ARMC8: variants seen among roughly 807,000 people sequenced by gnomAD.
The protein encoded by ARMC8 is armadillo repeat containing 8.
Under a neutral mutation model 99.3 loss-of-function variants are expected in ARMC8, and 20 were observed. The ratio of observed to expected loss-of-function variants is 0.20; its 90% CI spans 0.14 to 0.29. The LOEUF (loss-of-function observed/expected upper bound fraction) is 0.29. ARMC8 is among the 10% of genes least tolerant of loss of function. The pLI is 1.00. For missense variants in ARMC8, 569 were observed against 809.5 expected (o/e 0.70, Z 3.60); for synonymous variants, 263 against 278.3 (o/e 0.95, Z 0.55).
Position 138,202,593 on chromosome 3 carries a change from C to T in ARMC8, c.46-7224C>T, listed in dbSNP as rs758681715. Among the ~76,000 whole-genome samples, 4 of 152,166 alleles carry T rather than the reference C, an allele frequency of 2.6e-5. No homozygotes were observed. The South Asian group carries it at 6.2e-4, about 24-fold the overall frequency. On this transcript the variant is annotated intron_variant, in intron 1 of 21. Transcript: ENST00000469044. Reference sequence around the variant, plus strand: ...GTGTGATTTGAGGCACAGCCTGAGACGTGATAACATCACCATTTTATTATT... The same window carrying T: ...GTGTGATTTGAGGCACAGCCTGAGATGTGATAACATCACCATTTTATTATT...
At chr3:138,199,593 C>T (rs1559912831) in intron 1 of ARMC8, among the ~76,000 whole-genome samples, 1 of 152,138 alleles carries the variant, frequency 6.6e-6, no homozygotes, top group Non-Finnish European at 1.5e-5. Context: ...GTACACATCA[C>T]CAGAACTCTT....
At chr3:138,242,159 A>G (rs1419976880) in intron 11 of ARMC8, among the ~76,000 whole-genome samples, 176 bp downstream of exon 11, 2 of 152,192 alleles carry the variant, frequency 1.3e-5, no homozygotes, top group Admixed American at 6.5e-5. Flanking sequence ...AAGTTGTTTA[A>G]TGTTTATTGT....
chr3:138,298,221 G>A lies in ARMC8; in HGVS notation c.*2329G>A, dbSNP rs1176600498. On this transcript the variant is annotated 3_prime_UTR_variant, in exon 22 of 22. Coordinates refer to ENST00000469044, the MANE Select transcript of ARMC8 (RefSeq NM_001363941.2). ...CTGTTTCTCCTTTTGTGCCCTGATTGTAATCCAAAATTTATGAACTAGAAA... is the reference window on the plus strand; with the variant it reads ...CTGTTTCTCCTTTTGTGCCCTGATTATAATCCAAAATTTATGAACTAGAAA... 6.6e-6 allele frequency: 1 copy of A among 152,150 alleles called. No individual in the cohort carries two copies. Among genetic ancestry groups the A allele is most frequent in the Non-Finnish European group, 1.5e-5 (1 of 68,022 alleles). 9.4% of individuals were successfully genotyped at this position (152,150 alleles called of 1,614,324 possible). A position where few individuals can be genotyped will look rare whatever the true frequency, so the allele number is the denominator to read the frequency against.
chr3:138,272,733 G>C (rs929979512), intron 16 of ARMC8, among the ~76,000 whole-genome samples: 2 of 152,148 alleles, frequency 1.3e-5, no homozygotes, highest in Admixed American at 6.5e-5. Context: ...AAATTAGCCA[G>C]GCGTGGTGGC....
At chr3:138,255,396 G>A (rs904721904) in intron 12 of ARMC8, among the ~76,000 whole-genome samples, 3 of 151,836 alleles carry the variant, frequency 2.0e-5, no homozygotes, top group Admixed American at 2.0e-4. Flanking sequence ...TAGAGACGGG[G>A]TTTCACTGTG....
chr3:138,274,233 A>ATGTGTGTG (rs142329302), intron 17 of ARMC8, among the ~76,000 whole-genome samples: 49 of 142,268 alleles, frequency 3.4e-4, no homozygotes, highest in African/African-American at 1.4e-3. Context: ...GTGTATATAC[A>ATGTGTGTG]TGTGTGTGTG....
intron 12 of ARMC8, among the ~76,000 whole-genome samples, chr3:138,251,019 C>T (rs1037563549): frequency 6.6e-6 from 1 of 152,032 alleles, no homozygotes; most frequent in Admixed American, 6.6e-5. Context: ...GGCCCGGTGG[C>T]ATGCACCTGT....
At chr3:138,267,807 T>C (rs2048413118) in intron 15 of ARMC8, among the ~76,000 whole-genome samples, 1 of 152,256 alleles carries the variant, frequency 6.6e-6, no homozygotes, top group Non-Finnish European at 1.5e-5. Flanking sequence ...CAGTTAGTTT[T>C]ATTATGTCAT....
intron 1 of ARMC8, among the ~76,000 whole-genome samples, chr3:138,207,539 A>T (rs541912740): frequency 1.4e-4 from 21 of 152,332 alleles, no homozygotes; most frequent in African/African-American, 5.1e-4. Flanking sequence ...GAACAGTAAC[A>T]TCAAAATCAA....
chr3:138,187,526 C>T lies in ARMC8; in HGVS notation c.-29C>T. On this transcript the variant is annotated 5_prime_UTR_variant, in exon 1 of 22. Coordinates refer to ENST00000469044, the MANE Select transcript of ARMC8 (RefSeq NM_001363941.2). ...GAAAGTGCCGGCCCCCGCGCCGGCGCCTGCAGCAGCCGGGTGGGAAGGCTC... is the reference window on the plus strand; with the variant it reads ...GAAAGTGCCGGCCCCCGCGCCGGCGTCTGCAGCAGCCGGGTGGGAAGGCTC... 1 of 1,535,380 alleles carries T rather than the reference C, an allele frequency of 6.5e-7. No individual in the cohort carries two copies. Among genetic ancestry groups the T allele is most frequent in the African/African-American group, 1.4e-5 (1 of 73,152 alleles).
At chr3:138,255,263 C>T (rs1483951301) in intron 12 of ARMC8, among the ~76,000 whole-genome samples, 1 of 140,726 alleles carries the variant, frequency 7.1e-6, no homozygotes, top group African/African-American at 2.7e-5. Context: ...AGTGCAGTGG[C>T]GTGATCTCGG....
At chr3:138,207,405 G>C (rs904784716) in intron 1 of ARMC8, among the ~76,000 whole-genome samples, 2 of 152,074 alleles carry the variant, frequency 1.3e-5, no homozygotes, top group Admixed American at 1.3e-4. Context: ...GCTTTCCTCA[G>C]TGCATGTTAT....
chr3:138,200,073 C>G (rs953408854), intron 1 of ARMC8, among the ~76,000 whole-genome samples: 1 of 152,148 alleles, frequency 6.6e-6, no homozygotes, highest in African/African-American at 2.4e-5. Flanking sequence ...TTTTGTGGCA[C>G]TTTTTTGGCT....
At chr3:138,195,300 AAG>A (rs2043659644) in intron 1 of ARMC8, among the ~76,000 whole-genome samples, 2 of 151,802 alleles carry the variant, frequency 1.3e-5, no homozygotes, top group African/African-American at 4.8e-5. Flanking sequence ...AAAAAAAAAA[AAG>A]AAACTATCTC....
chr3:138,281,259 A>G (rs2049888071), intron 18 of ARMC8, among the ~76,000 whole-genome samples: 1 of 150,852 alleles, frequency 6.6e-6, no homozygotes, highest in Non-Finnish European at 1.5e-5. Context: ...TCCTTAGCTC[A>G]CATATTCAAT....
chr3:138,277,291 A>C (rs1009072515), intron 18 of ARMC8, among the ~76,000 whole-genome samples: 7 of 152,230 alleles, frequency 4.6e-5, no homozygotes, highest in Admixed American at 4.6e-4. Flanking sequence ...AAAAGGTAAA[A>C]CTATAAAACT....
At chr3:138,229,178 A>ATATATATATATATATATGTATATG (rs1576686064) in intron 6 of ARMC8, 168 bp downstream of exon 6, 11 of 32,098 alleles carry the variant, frequency 3.4e-4, no homozygotes, top group African/African-American at 4.9e-4. Context: ...ATATATATAT[A>ATATATATATATATATATGTATATG]TATATGTATA....
chr3:138,260,168 T>C (rs1404274921), intron 12 of ARMC8, among the ~76,000 whole-genome samples: 2 of 152,218 alleles, frequency 1.3e-5, no homozygotes, highest in Non-Finnish European at 2.9e-5. Context: ...GGAATTGCGC[T>C]GTTTGCTTTT....
At chr3:138,237,670 A>G (rs568279572) in intron 9 of ARMC8, 98 bp downstream of exon 9, 2 of 919,124 alleles carry the variant, frequency 2.2e-6, no homozygotes, top group East Asian at 5.3e-5. Context: ...TCCCCATTTT[A>G]TTTTGAGATT....
Sources: allele counts gnomAD v4.1 joint callset (sites outside exome capture counted in the v4.1 genomes callset), GRCh38; gene constraint gnomAD v4.1.1; transcripts MANE v1.5; gene names NCBI Gene and HGNC (gene_info 2026-07-23, HGNC 2026-07-21).